Variants in NSUN6 observed in about 807,000 individuals in gnomAD.
The protein encoded by NSUN6 is tRNA (cytosine(72)-C(5))-methyltransferase NSUN6.
In NSUN6, 64 loss-of-function variants were observed where a neutral mutation model predicts 58.0. The ratio of observed to expected loss-of-function variants is 1.10; its 90% confidence interval spans 0.90 to 1.36. The LOEUF is 1.36. Among genes scored for constraint, NSUN6 ranks in the 40% most tolerant of loss-of-function variants. The pLI is 0.00. For synonymous variants in NSUN6, 231 were observed against 193.9 expected (o/e 1.19, Z -1.59); for missense variants, 701 against 550.1 (o/e 1.27, Z -2.74).
intron 3 of NSUN6, among the ~76,000 whole-genome samples, chr10:18,624,414 GC>G (rs1329909559): frequency 6.6e-6 from 1 of 151,868 alleles, no homozygotes; most frequent in African/African-American, 2.4e-5. Context: ...GGTGGCTCAT[GC>G]CTATAATCCC....
rs556750902 is a variant in NSUN6 at position 18,560,417 on chromosome 10, C to T, written c.923-8446G>A. 5.1e-5 allele frequency among the ~76,000 whole-genome samples: 7 copies of T among 138,250 alleles called. No homozygotes were observed. In the East Asian group the frequency reaches 8.9e-4, roughly 18 times the overall value. 90.7% of individuals were successfully genotyped at this position (138,250 alleles called of 152,430 possible). A position where few individuals can be genotyped will look rare whatever the true frequency, so the allele number is the denominator to read the frequency against. ...ATGAAATAGAGAATGAAGTGGGCAA[C>T]GGAACAGAAAATGGAGAATGGAGAA... On this transcript the variant is annotated intron_variant, in intron 8 of 10. Coordinates refer to ENST00000377304, the MANE Select transcript of NSUN6 (RefSeq NM_182543.5).
At chr10:18,646,255 C>G (rs763701596) in intron 2 of NSUN6, among the ~76,000 whole-genome samples, 1 of 152,128 alleles carries the variant, frequency 6.6e-6, no homozygotes, top group African/African-American at 2.4e-5. Context: ...AAAACACTTA[C>G]TTTTATATCA....
chr10:18,593,390 A>G (rs1354830404), intron 7 of NSUN6, among the ~76,000 whole-genome samples: 1 of 152,200 alleles, frequency 6.6e-6, no homozygotes, highest in African/African-American at 2.4e-5. Context: ...TCATTCTGCT[A>G]TAAAAACATA....
At chr10:18,575,242 T>A (rs1201117234) in intron 8 of NSUN6, among the ~76,000 whole-genome samples, 1 of 152,184 alleles carries the variant, frequency 6.6e-6, no homozygotes, top group East Asian at 1.9e-4. Flanking sequence ...TTATAAATAG[T>A]TGCTTAGTAT....
At chr10:18,552,098 C>T in intron 8 of NSUN6, 127 bp from the exon 9 acceptor site, 1 of 613,606 alleles carries the variant, frequency 1.6e-6, no homozygotes, top group South Asian at 2.5e-5. Flanking sequence ...TCCCTTCAAT[C>T]AAGTAGCTGG....
At chr10:18,611,358 T>C (rs909338157) in intron 5 of NSUN6, among the ~76,000 whole-genome samples, 34 of 152,084 alleles carry the variant, frequency 2.2e-4, no homozygotes, top group Admixed American at 8.5e-4. Flanking sequence ...GTTTATGAGT[T>C]GATCTTGGCA....
chr10:18,547,657 A>G (rs1159533517), intron 10 of NSUN6, among the ~76,000 whole-genome samples: 1 of 152,216 alleles, frequency 6.6e-6, no homozygotes, highest in Non-Finnish European at 1.5e-5. Context: ...ATTTTATATA[A>G]TAAGCAATAA....
intron 9 of NSUN6, among the ~76,000 whole-genome samples, chr10:18,549,136 T>C (rs1469977982): frequency 2.0e-5 from 3 of 152,212 alleles, no homozygotes; most frequent in Admixed American, 6.5e-5. Context: ...ATGTCCTCCA[T>C]GATCACTTAC....
At chr10:18,590,920 C>A (rs1040781805) in intron 7 of NSUN6, among the ~76,000 whole-genome samples, 1 of 152,004 alleles carries the variant, frequency 6.6e-6, no homozygotes. Flanking sequence ...GGGACAGAGA[C>A]ACAAAAAACC....
intron 5 of NSUN6, among the ~76,000 whole-genome samples, 164 bp from the exon 6 acceptor site, chr10:18,610,090 T>C (rs908169018): frequency 4.0e-5 from 6 of 151,896 alleles, no homozygotes; most frequent in African/African-American, 1.5e-4. Flanking sequence ...GAGGCAGAGG[T>C]GGGAGGATCA....
intron 3 of NSUN6, among the ~76,000 whole-genome samples, chr10:18,637,056 G>A (rs2059241928): frequency 6.7e-6 from 1 of 150,146 alleles, no homozygotes; most frequent in Non-Finnish European, 1.5e-5. Flanking sequence ...TCCACCTCCT[G>A]GGATCAAGCG....
At chr10:18,557,706 A>AAATGGAATGGAGAAG (rs1564712875) in intron 8 of NSUN6, among the ~76,000 whole-genome samples, 3 of 145,132 alleles carry the variant, frequency 2.1e-5, no homozygotes, top group Non-Finnish European at 1.5e-5. Flanking sequence ...AAGCGGAATG[A>AAATGGAATGGAGAAG]AATGGAATGG....
At chr10:18,574,761 G>C (rs12359508) in intron 8 of NSUN6, among the ~76,000 whole-genome samples, 92,718 of 151,912 alleles carry the variant, frequency 0.61, 28,731 homozygotes, top group East Asian at 0.97. Context: ...AAAATTCGGA[G>C]TGAATGAGGT....
intron 3 of NSUN6, among the ~76,000 whole-genome samples, chr10:18,637,294 T>C (rs1395761414): frequency 2.6e-5 from 4 of 152,198 alleles, no homozygotes; most frequent in African/African-American, 9.6e-5. Flanking sequence ...GGTATGTGAA[T>C]TTACAATCCT....
At chr10:18,635,935 A>C (rs1280765529) in intron 3 of NSUN6, among the ~76,000 whole-genome samples, 1 of 151,036 alleles carries the variant, frequency 6.6e-6, no homozygotes, top group Non-Finnish European at 1.5e-5. Flanking sequence ...TCTAAAGTTC[A>C]ATAAGTAAGA....
At position 18,616,197 on chromosome 10, in the gene NSUN6, CACAATTCCTG is replaced by C. The variant is rs1204415215; in HGVS notation, c.398_407del (p.Pro133ArgfsTer7). 1 of 1,565,248 alleles carries C rather than the reference CACAATTCCTG, an allele frequency of 6.4e-7. No individual in the cohort carries two copies. The highest frequency in any genetic ancestry group is 1.4e-5 in the African/African-American group (1 of 74,020). ...CATTATACTTACATTGTGATGCTGA[CACAATTCCTG>C]GGGCATAGACATGGGCTCCTCTTAA... is the stretch of plus-strand genomic sequence containing the variant. On this transcript the variant is annotated frameshift_variant, in exon 4 of 11. Coordinates refer to ENST00000377304, the MANE Select transcript of NSUN6 (RefSeq NM_182543.5). LOFTEE classifies it high-confidence loss of function.
chr10:18,600,959 T>TACACAC (rs1554869994), intron 6 of NSUN6, among the ~76,000 whole-genome samples: 12 of 64,930 alleles, frequency 1.8e-4, no homozygotes, highest in Non-Finnish European at 2.4e-4. Flanking sequence ...TATATATATA[T>TACACAC]ACATATATAT....
At chr10:18,600,974 ATATG>A (rs2057810730) in intron 6 of NSUN6, among the ~76,000 whole-genome samples, 2 of 98,506 alleles carry the variant, frequency 2.0e-5, no homozygotes, top group Non-Finnish European at 4.1e-5. Flanking sequence ...ATATATATAT[ATATG>A]TATATATATA....
rs557782973 is a variant in NSUN6, at chr10:18,609,857, G to T, written c.645C>A (p.Tyr215Ter). The change falls in exon 6 of 11, where the codon TAC (tyrosine) becomes TAA (stop). Residue 215 changes from tyrosine to a stop codon, truncating the protein, a stop_gained. Transcript: ENST00000377304. LOFTEE classifies it high-confidence loss of function. ...SPSFDSVLPR[Y>*]LFLQNLPSAL... ...TATACATACTTACTTGTAAAAATAA[G>T]TAACGGGGCAGTACACTGTCAAATG... 1.3e-6 allele frequency: 2 copies of T among 1,563,674 alleles called. No homozygotes were observed. The highest frequency in any genetic ancestry group is 1.4e-5 in the African/African-American group (1 of 74,006).
Sources: gnomAD v4.1 joint callset for allele counts (sites outside exome capture counted in the v4.1 genomes callset) on GRCh38, gnomAD v4.1.1 for gene constraint, MANE v1.5 for transcripts, NCBI Gene and HGNC (gene_info 2026-07-23, HGNC 2026-07-21) for gene names.